The following ANK3 variants were observed in gnomAD, a reference collection of about 807,000 sequenced individuals.
The protein encoded by ANK3 is ankyrin 3.
In ANK3, 57 loss-of-function variants were observed where a neutral mutation model predicts 370.9. The observed-to-expected ratio is 0.15, with a 90% CI of 0.12 to 0.19. ANK3 has a LOEUF of 0.19. ANK3 is among the 10% of genes least tolerant of loss of function. The pLI is 1.00. For missense variants in ANK3, 4,439 were observed against 5,302.1 expected (o/e 0.84, Z 5.06); for synonymous variants, 1,929 against 1,946.3 (o/e 0.99, Z 0.23).
intron 16 of ANK3, among the ~76,000 whole-genome samples, chr10:60,189,524 T>C (rs2096430074): frequency 6.6e-6 from 1 of 152,228 alleles, no homozygotes; most frequent in Non-Finnish European, 1.5e-5. Flanking sequence ...CAGGTATTAT[T>C]TTAGTATGAA....
intron 2 of ANK3, among the ~76,000 whole-genome samples, chr10:60,584,401 T>A (rs986234696): frequency 2.0e-5 from 3 of 152,124 alleles, no homozygotes; most frequent in Non-Finnish European, 4.4e-5. Context: ...AAAGGATTGC[T>A]TGAAGCCAGG....
rs201572537 is a variant in ANK3, at chr10:60,055,732, T to C, written c.12991A>G (p.Arg4331Gly). 31 of 1,614,192 alleles carry C rather than the reference T, an allele frequency of 1.9e-5. No individual in the cohort carries two copies. In the East Asian group the frequency reaches 6.5e-4, roughly 34 times the overall value. The change falls in exon 42 of 44, where the codon AGG becomes GGG. Residue 4331 changes from arginine (R) to glycine (G), a missense_variant. Coordinates refer to ENST00000280772, the MANE Select transcript of ANK3 (RefSeq NM_020987.5). ...CVPVSMKKMS[R>G]TSPADGKPRL... is the part of the protein sequence containing the mutation. ...GGCTTGCCATCTGCTGGAGAAGTCCTACTCATCTTTTTCATACTGACAGGC... is the reference window on the plus strand; with the variant it reads ...GGCTTGCCATCTGCTGGAGAAGTCCCACTCATCTTTTTCATACTGACAGGC...
At chr10:60,469,018 T>TATATATATATATAC (rs1487944754) in intron 2 of ANK3, among the ~76,000 whole-genome samples, 1 of 67,658 alleles carries the variant, frequency 1.5e-5, no homozygotes, top group African/African-American at 4.9e-5. Context: ...TATATATATA[T>TATATATATATATAC]ACCACTTTTA....
chr10:60,059,370 G>C lies in ANK3; in HGVS notation c.12656C>G (p.Thr4219Ser), dbSNP rs745574366. ...LESCAQARRV[T>S]GGLLDRLDDS... The stretch of plus-strand genomic sequence containing the variant: ...ATCCAGTCGATCTAGTAACCCACCA[G>C]TTACTCTTCGAGCTTGAGCGCAGGA... Residue 4219 changes from threonine (T) to serine (S), a missense_variant, in exon 41 of 44, where the codon ACT becomes AGT. Physicochemically the swap from Thr to Ser is moderately conservative, Grantham distance 58. Around this residue, in one of 13 missense-constraint regions of ANK3, gnomAD observed 242 missense variants for 228.0 expected, o/e 1.06. Coordinates refer to ENST00000280772, the MANE Select transcript of ANK3 (RefSeq NM_020987.5). 1.2e-5 allele frequency: 20 copies of C among 1,614,000 alleles called. No individual in the cohort carries two copies. The highest frequency in any genetic ancestry group is 1.6e-5 in the Non-Finnish European group (19 of 1,179,968).
intron 2 of ANK3, among the ~76,000 whole-genome samples, chr10:60,551,841 C>T (rs961248147): frequency 6.6e-6 from 1 of 152,140 alleles, no homozygotes; most frequent in African/African-American, 2.4e-5. Flanking sequence ...GAGTCCTACT[C>T]TTTTAAGTCA....
intron 1 of ANK3, among the ~76,000 whole-genome samples, chr10:60,635,010 C>G (rs1453253279): frequency 6.6e-6 from 1 of 152,152 alleles, no homozygotes. Context: ...TTCTTGAAGT[C>G]AGTGAGACCA....
chr10:60,079,245 C>T (rs1045020710), intron 36 of ANK3, among the ~76,000 whole-genome samples: 4 of 147,000 alleles, frequency 2.7e-5, no homozygotes, highest in African/African-American at 1.0e-4. Flanking sequence ...TGCTCTGTAG[C>T]ATAATATGAG....
chr10:60,367,617 T>G (rs941599708), intron 1 of ANK3, among the ~76,000 whole-genome samples: 1 of 152,198 alleles, frequency 6.6e-6, no homozygotes, highest in Non-Finnish European at 1.5e-5. Flanking sequence ...ATCAGCACAC[T>G]GCAAAAATGC....
chr10:60,331,276 CA>C (rs2051228132), intron 1 of ANK3, among the ~76,000 whole-genome samples: 1 of 150,270 alleles, frequency 6.7e-6, no homozygotes. Context: ...AAAAAAAAAT[CA>C]ATGTTTATGA....
At chr10:60,439,606 A>G (rs2133003196) in intron 2 of ANK3, among the ~76,000 whole-genome samples, 1 of 152,330 alleles carries the variant, frequency 6.6e-6, no homozygotes, top group Non-Finnish European at 1.5e-5. Flanking sequence ...GGGACATTTT[A>G]AATTGTTAAA....
chr10:60,349,021 C>T (rs2056317135), intron 1 of ANK3, among the ~76,000 whole-genome samples: 1 of 152,138 alleles, frequency 6.6e-6, no homozygotes, highest in African/African-American at 2.4e-5. Context: ...ATGAACTGTA[C>T]TTGAAGAAGC....
chr10:60,310,622 G>A (rs962716474), intron 1 of ANK3, among the ~76,000 whole-genome samples: 3 of 152,214 alleles, frequency 2.0e-5, no homozygotes, highest in East Asian at 3.9e-4. Context: ...TCAATGTGAC[G>A]GTGCATTAAG....
chr10:60,105,897 A>T lies in ANK3; in HGVS notation c.3328+8T>A. 1 of 1,601,162 alleles carries T rather than the reference A, an allele frequency of 6.2e-7. No individual in the cohort carries two copies. Reference sequence around the variant, plus strand: ...ACATTTACAGAACCAAGGAGCCATCATTATTACCTTCATCCATGCCATTAA... The same window carrying T: ...ACATTTACAGAACCAAGGAGCCATCTTTATTACCTTCATCCATGCCATTAA... On this transcript the variant is annotated splice_region_variant and intron_variant, in intron 28 of 43. Transcript: ENST00000280772.
In ANK3 at chr10:60,270,387, T is replaced by C. The variant is rs116895195; in HGVS notation, c.415-158A>G. The stretch of plus-strand genomic sequence containing the variant: ...TATTTATTAGAAAACCCAAGCACCA[T>C]GGCTTAAGCTAAATTCCTGATCTGT... On this transcript the variant is annotated intron_variant, in intron 4 of 43. Coordinates refer to ENST00000280772, the MANE Select transcript of ANK3 (RefSeq NM_020987.5). Among the ~76,000 whole-genome samples, 260 of 152,368 alleles carry C rather than the reference T, an allele frequency of 1.7e-3. 5 individuals carry two copies. In the East Asian group the frequency reaches 0.046, roughly 27 times the overall value.
At chr10:60,257,011 G>C (rs946533963) in intron 7 of ANK3, among the ~76,000 whole-genome samples, 7 of 152,180 alleles carry the variant, frequency 4.6e-5, no homozygotes, top group African/African-American at 1.2e-4. Flanking sequence ...GGGTTGAATG[G>C]TAGTTTAAGT....
intron 2 of ANK3, among the ~76,000 whole-genome samples, chr10:60,594,010 G>A (rs1210844004): frequency 2.6e-5 from 4 of 152,134 alleles, no homozygotes; most frequent in African/African-American, 9.7e-5. Flanking sequence ...TCCCATTGAA[G>A]CTTCCTTCCC....
At chr10:60,309,915 CTTTTTTCTTTTT>C (rs1242400142) in intron 1 of ANK3, among the ~76,000 whole-genome samples, 4 of 142,996 alleles carry the variant, frequency 2.8e-5, no homozygotes, top group Non-Finnish European at 6.2e-5. Flanking sequence ...CTTTTCTTTT[CTTTTTTCTTTTT>C]TTTTTTTTTT....
At chr10:60,400,945 G>T (rs1033396693) in intron 2 of ANK3, among the ~76,000 whole-genome samples, 16 of 152,202 alleles carry the variant, frequency 1.1e-4, no homozygotes, top group African/African-American at 3.1e-4. Context: ...CCTGCATTGA[G>T]GGTGGCAACA....
intron 43 of ANK3, among the ~76,000 whole-genome samples, chr10:60,035,372 C>T (rs1418537849): frequency 6.6e-6 from 1 of 152,032 alleles, no homozygotes; most frequent in Non-Finnish European, 1.5e-5. Flanking sequence ...CCTCAGCCTC[C>T]TGAGTAGCTG....
Sources: gnomAD v4.1 joint callset for allele counts (sites outside exome capture counted in the v4.1 genomes callset) on GRCh38, gnomAD v4.1.1 for gene constraint, gnomAD v4.1.1 regional missense constraint, MANE v1.5 for transcripts, NCBI Gene and HGNC (gene_info 2026-07-23, HGNC 2026-07-21) for gene names.